RPTOR: variants seen among roughly 807,000 people sequenced by gnomAD.
RPTOR encodes regulatory-associated protein of mTOR.
In RPTOR, 21 loss-of-function variants were observed where a neutral mutation model predicts 169.9. That is an observed-to-expected ratio of 0.12 (90% CI 0.09 to 0.18). RPTOR has a LOEUF of 0.18. Among genes scored for constraint, RPTOR ranks in the 10% least tolerant of loss-of-function variants. The probability of loss-of-function intolerance (pLI) is 1.00; values close to 1 mark genes in which losing one functional copy is unlikely to be tolerated. For synonymous variants in RPTOR, 732 were observed against 753.2 expected (o/e 0.97, Z 0.46); for missense variants, 1,133 against 1,855.9 (o/e 0.61, Z 7.16).
intron 7 of RPTOR, chr17:80,804,236 G>A: frequency 6.6e-6 from 1 of 152,416 alleles, no homozygotes; most frequent in East Asian, 1.9e-4. Flanking sequence ...TTGCAGAGGG[G>A]GTGGGGGCGA....
rs1379473802 is a variant in RPTOR, at chr17:80,844,979, T to C, written c.1213-1494T>C. ...TGGGAGAGAGAGGCTGGTAGTTGTT[T>C]TTTTTTTTTTCTTTAATTCTTTGTA... On this transcript the variant is annotated intron_variant, in intron 10 of 33. Coordinates refer to ENST00000306801, the MANE Select transcript of RPTOR (RefSeq NM_020761.3). The surrounding 1 kb of genome is among the most constrained non-coding windows in gnomAD (Gnocchi z 4.7). Among the ~76,000 whole-genome samples, 1 of 151,008 alleles carries C rather than the reference T, an allele frequency of 6.6e-6. No individual in the cohort carries two copies. The highest frequency in any genetic ancestry group is 1.5e-5 in the Non-Finnish European group (1 of 67,732).
intron 3 of RPTOR, among the ~76,000 whole-genome samples, chr17:80,665,483 CTTT>C (rs1366449628): frequency 1.5e-4 from 6 of 41,302 alleles, no homozygotes; most frequent in African/African-American, 2.8e-4. Flanking sequence ...CTTTCCTTTC[CTTT>C]CCTTTCCTTT....
chr17:80,863,643 CG>C (rs1370224602), intron 13 of RPTOR, among the ~76,000 whole-genome samples: 1 of 152,192 alleles, frequency 6.6e-6, no homozygotes, highest in Non-Finnish European at 1.5e-5. Context: ...CGGTTAGGCA[CG>C]GGGCTCACGT....
At chr17:80,952,851 T>C (rs2069198217) in intron 28 of RPTOR, among the ~76,000 whole-genome samples, 1 of 134,288 alleles carries the variant, frequency 7.4e-6, no homozygotes, top group African/African-American at 2.9e-5. Flanking sequence ...CTTTTTCTTT[T>C]CTTCTTTTTT....
chr17:80,555,299 G>A (rs2143227949), intron 1 of RPTOR, among the ~76,000 whole-genome samples: 1 of 152,262 alleles, frequency 6.6e-6, no homozygotes, highest in Non-Finnish European at 1.5e-5. Context: ...CTGGGAGGAT[G>A]TTTGTGAAGA....
At chr17:80,617,603 CAG>C (rs1313261155) in intron 1 of RPTOR, among the ~76,000 whole-genome samples, 2 of 152,140 alleles carry the variant, frequency 1.3e-5, no homozygotes, top group African/African-American at 2.4e-5. Context: ...TCCTAGGGCT[CAG>C]AGCACTGCAG....
At chr17:80,891,902 C>A in intron 18 of RPTOR, 65 bp downstream of exon 18, 1 of 1,132,794 alleles carries the variant, frequency 8.8e-7, no homozygotes, top group Non-Finnish European at 1.3e-6. Flanking sequence ...CAGGCCGCGG[C>A]CCAGTCTTGC....
intron 1 of RPTOR, among the ~76,000 whole-genome samples, chr17:80,573,074 GCT>G (rs1568312044): frequency 6.6e-6 from 1 of 152,086 alleles, no homozygotes; most frequent in African/African-American, 2.4e-5. Flanking sequence ...CAGTTGCAGT[GCT>G]CTGTCGTAGG....
chr17:80,617,953 G>A (rs1196363928), intron 1 of RPTOR, among the ~76,000 whole-genome samples: 1 of 152,106 alleles, frequency 6.6e-6, no homozygotes, highest in Admixed American at 6.5e-5. Context: ...TCCTTAAGAA[G>A]GGAGTTTCTT....
chr17:80,699,922 G>T (rs944641557), intron 3 of RPTOR, among the ~76,000 whole-genome samples: 5 of 152,104 alleles, frequency 3.3e-5, no homozygotes, highest in Non-Finnish European at 5.9e-5. Flanking sequence ...GAGGTGCTAT[G>T]CAGCCTTTGG....
At chr17:80,900,655 C>G (rs1598389404) in intron 20 of RPTOR, among the ~76,000 whole-genome samples, 1 of 152,246 alleles carries the variant, frequency 6.6e-6, no homozygotes, top group Non-Finnish European at 1.5e-5. Context: ...AGCATCACCC[C>G]TCGGTGCTCA....
At chr17:80,611,749 T>C (rs1346283467) in intron 1 of RPTOR, among the ~76,000 whole-genome samples, 2 of 121,088 alleles carry the variant, frequency 1.7e-5, no homozygotes, top group Admixed American at 1.0e-4. Flanking sequence ...TAACATCTTT[T>C]ATAGCTGTTT....
rs558315990 is a variant in RPTOR at position 80,813,791 on chromosome 17, G to A, written c.891-8410G>A. Among the ~76,000 whole-genome samples the A allele has an allele frequency of 1.2e-3, 179 of 152,268 alleles. 1 individual carries two copies. The highest frequency in any genetic ancestry group is 1.9e-4 in the East Asian group (1 of 5,196). ...ATAGTAGTCATTTAAATTTAAGTGC[G>A]TGTCCTTCTTTAACTGAATTTAATC... On this transcript the variant is annotated intron_variant, in intron 7 of 33. Transcript: ENST00000306801.
At chr17:80,647,699 G>C (rs1160294849) in intron 3 of RPTOR, among the ~76,000 whole-genome samples, 3 of 152,164 alleles carry the variant, frequency 2.0e-5, no homozygotes, top group Non-Finnish European at 4.4e-5. Context: ...TCTGTCCGTC[G>C]GGCAGGTGTG....
chr17:80,764,101 C>G (rs763718352), intron 6 of RPTOR, among the ~76,000 whole-genome samples: 4 of 151,238 alleles, frequency 2.6e-5, no homozygotes, highest in Non-Finnish European at 5.9e-5. Flanking sequence ...GAAGTCCTGA[C>G]CGTATGACTT....
chr17:80,877,098 G>A (rs1011154489), intron 13 of RPTOR, among the ~76,000 whole-genome samples: 1 of 152,240 alleles, frequency 6.6e-6, no homozygotes, highest in Middle Eastern at 3.4e-3. Flanking sequence ...TGCCACGCAG[G>A]GAGTGTGTGT....
intron 20 of RPTOR, among the ~76,000 whole-genome samples, chr17:80,898,845 T>C (rs4969224): frequency 0.83 from 125,726 of 151,472 alleles, 52,521 homozygotes; most frequent in African/African-American, 0.92. Context: ...TTGTGGTTCC[T>C]GGGGATGGCG....
At chr17:80,791,575 C>A in intron 7 of RPTOR, 66 bp downstream of exon 7, 1 of 1,405,574 alleles carries the variant, frequency 7.1e-7, no homozygotes, top group Non-Finnish European at 9.9e-7. Flanking sequence ...TTTTTGAAGG[C>A]TCTTGCTTCT....
At chr17:80,790,217 C>T (rs912242802) in intron 6 of RPTOR, among the ~76,000 whole-genome samples, 2 of 152,226 alleles carry the variant, frequency 1.3e-5, no homozygotes, top group African/African-American at 4.8e-5. Flanking sequence ...GAAAGGGCTG[C>T]TCTGTAGCTT....
Sources: allele counts gnomAD v4.1 joint callset (sites outside exome capture counted in the v4.1 genomes callset), GRCh38; gene constraint gnomAD v4.1.1; non-coding constraint Gnocchi (gnomAD v3.1); transcripts MANE v1.5; gene names NCBI Gene and HGNC (gene_info 2026-07-23, HGNC 2026-07-21).